LRSAM1: variants seen among roughly 807,000 people sequenced by gnomAD.
The protein encoded by LRSAM1 is leucine rich repeat and sterile alpha motif containing 1.
A neutral mutation model predicts 118.1 loss-of-function variants in LRSAM1; 96 were observed. The ratio of observed to expected loss-of-function variants is 0.81; its 90% CI spans 0.69 to 0.96. LRSAM1 has a LOEUF of 0.96. Ranked by LOEUF, LRSAM1 falls within the 40% of genes least tolerant of loss-of-function variation. The pLI is 0.00. For synonymous variants in LRSAM1, 322 were observed against 364.2 expected, an observed-to-expected ratio of 0.88 and a Z score of 1.32; for missense variants, 804 against 915.5, an observed-to-expected ratio of 0.88 and a Z score of 1.57.
chr9:127,494,069 C>T (rs1180207102), intron 21 of LRSAM1, among the ~76,000 whole-genome samples: 2 of 152,248 alleles, frequency 1.3e-5, no homozygotes, highest in African/African-American at 4.8e-5. Flanking sequence ...TGGCGCTGTG[C>T]CTTAGCAGCC....
chr9:127,475,047 T>TTTATTA (rs149765084), intron 11 of LRSAM1, among the ~76,000 whole-genome samples: 33 of 149,260 alleles, frequency 2.2e-4, no homozygotes, highest in African/African-American at 5.9e-4. Context: ...CATTTGGGAT[T>TTTATTA]TTATTATTAT....
intron 10 of LRSAM1, among the ~76,000 whole-genome samples, chr9:127,469,881 C>T (rs1396683792): frequency 1.3e-5 from 2 of 152,074 alleles, no homozygotes; most frequent in African/African-American, 2.4e-5. Context: ...AGGAGAATGG[C>T]GTGAACCCGG....
chr9:127,491,594 G>A (rs1481969922), intron 20 of LRSAM1, among the ~76,000 whole-genome samples: 1 of 152,242 alleles, frequency 6.6e-6, no homozygotes, highest in Non-Finnish European at 1.5e-5. Context: ...TGTGCTGGGT[G>A]CGGGCCCGCC....
intron 2 of LRSAM1, chr9:127,453,994 C>CT (rs1834417603): frequency 4.1e-6 from 1 of 243,088 alleles, no homozygotes; most frequent in Non-Finnish European, 8.2e-6. Flanking sequence ...GACACTGACC[C>CT]TTACCCCATG....
rs753650841 is a variant in LRSAM1 at position 127,502,803 on chromosome 9, C to T, written c.2076C>T (p.His692=). 7.4e-6 allele frequency: 12 copies of T among 1,612,352 alleles called. No homozygotes were observed. Among genetic ancestry groups the T allele is most frequent in the East Asian group, 2.2e-5 (1 of 44,882 alleles). ...AGATGATCTTCCTCAACTGTGGCCA[C>T]GTCTGCTGCTGCCAGCAGTGCTGCC... ...EAQMIFLNCG[H]VCCCQQCCQP... Residue 692 remains histidine (H), a synonymous_variant, in exon 26 of 26, where the codon CAC becomes CAT. Transcript: ENST00000300417.
chr9:127,472,072 C>T (rs1475715858), intron 10 of LRSAM1, among the ~76,000 whole-genome samples: 1 of 151,276 alleles, frequency 6.6e-6, no homozygotes, highest in African/African-American at 2.4e-5. Flanking sequence ...AGCGATTCTC[C>T]TGCCTCAGCC....
In LRSAM1 at chr9:127,495,375, A is replaced by T; in HGVS notation, c.1655A>T (p.Tyr552Phe). ...CAGGAAAATTACTGGCTGATTCAGT[A>T]TCAACGGCTTTTGAACCAGAAGCCC... ...TRQENYWLIQYQRLLNQKPLS... is the reference protein window; with the variant it reads ...TRQENYWLIQFQRLLNQKPLS... The change falls in exon 22 of 26, where the codon TAT (tyrosine) becomes TTT (phenylalanine). Residue 552 changes from tyrosine (Y) to phenylalanine (F), a missense_variant. Transcript: ENST00000300417. 12 of 1,614,052 alleles carry T rather than the reference A, an allele frequency of 7.4e-6. No individual in the cohort carries two copies. Among genetic ancestry groups the T allele is most frequent in the Non-Finnish European group, 9.3e-6 (11 of 1,180,024 alleles).
At chr9:127,459,285 G>A (rs1345352279) in intron 7 of LRSAM1, among the ~76,000 whole-genome samples, 1 of 146,812 alleles carries the variant, frequency 6.8e-6, no homozygotes, top group Non-Finnish European at 1.5e-5. Flanking sequence ...GGCGCCATCA[G>A]AGTTGCAGAG....
intron 22 of LRSAM1, 24 bp downstream of exon 22, chr9:127,495,442 C>A (rs371872032): frequency 6.2e-7 from 1 of 1,605,544 alleles, no homozygotes; most frequent in African/African-American, 1.3e-5. Context: ...GTGCCTGTCC[C>A]GGCCAGGGAG....
At chr9:127,475,401 G>A (rs899305694) in intron 11 of LRSAM1, among the ~76,000 whole-genome samples, 1 of 152,098 alleles carries the variant, frequency 6.6e-6, no homozygotes. Context: ...TGAGGCACAA[G>A]AATCACTTGA....
chr9:127,490,328 T>C (rs1835890008), intron 19 of LRSAM1, among the ~76,000 whole-genome samples: 3 of 152,064 alleles, frequency 2.0e-5, no homozygotes, highest in Admixed American at 2.0e-4. Flanking sequence ...CAATTCCACA[T>C]TGCCGGACAT....
At chr9:127,478,403 C>T (rs1835415102) in intron 11 of LRSAM1, among the ~76,000 whole-genome samples, 1 of 152,226 alleles carries the variant, frequency 6.6e-6, no homozygotes. Context: ...GGATCTCACA[C>T]ATTCGCCCCA....
At position 127,496,055 on chromosome 9, in the gene LRSAM1, T is replaced by C. The variant is rs1203663995; in HGVS notation, c.1790T>C (p.Leu597Pro). 6.2e-7 allele frequency: 1 copy of C among 1,612,098 alleles called. No individual in the cohort carries two copies. Among genetic ancestry groups the C allele is most frequent in the African/African-American group, 1.3e-5 (1 of 75,054 alleles). The stretch of plus-strand genomic sequence containing the variant: ...ATCTTTGCGCACCACCGCCTCTCAC[T>C]GGACCTGCTGAGCCAAATGAGCCCA... ...LPIFAHHRLS[L>P]DLLSQMSPGD... Residue 597 changes from leucine to proline, a missense_variant, in exon 23 of 26, where the codon CTG (leucine) becomes CCG (proline). By Grantham distance (98) the Leu-to-Pro change is moderately conservative. Coordinates refer to ENST00000300417, the MANE Select transcript of LRSAM1 (RefSeq NM_001005373.4).
intron 5 of LRSAM1, among the ~76,000 whole-genome samples, chr9:127,456,146 T>C (rs1396693874): frequency 7.4e-6 from 1 of 134,438 alleles, no homozygotes; most frequent in East Asian, 2.1e-4. Flanking sequence ...AAGTGAAGTA[T>C]CTAAATGAGA....
chr9:127,493,170 T>TC (rs768911902), intron 21 of LRSAM1, among the ~76,000 whole-genome samples: 3 of 152,138 alleles, frequency 2.0e-5, no homozygotes, highest in African/African-American at 4.8e-5. Context: ...CAAGCGATCC[T>TC]CCCACCTCAG....
At chr9:127,459,117 A>G (rs1018770772) in intron 7 of LRSAM1, 46 bp downstream of exon 7, 2 of 1,571,022 alleles carry the variant, frequency 1.3e-6, no homozygotes, top group Non-Finnish European at 1.7e-6. Flanking sequence ...CCTTAGTGAG[A>G]CCAGGCAGTC....
At chr9:127,486,186 G>A (rs1166161624) in intron 17 of LRSAM1, among the ~76,000 whole-genome samples, 3 of 152,204 alleles carry the variant, frequency 2.0e-5, no homozygotes, top group Non-Finnish European at 4.4e-5. Flanking sequence ...ACTGTATAAC[G>A]CACCCAAGGA....
At chr9:127,464,372 G>C (rs2132019994) in intron 9 of LRSAM1, among the ~76,000 whole-genome samples, 1 of 109,610 alleles carries the variant, frequency 9.1e-6, no homozygotes, top group African/African-American at 3.8e-5. Flanking sequence ...TGACCGTGCT[G>C]TCCAGAGCGG....
chr9:127,485,661 T>A (rs1835703169), intron 16 of LRSAM1, 75 bp from the exon 17 acceptor site: 1 of 1,389,494 alleles, frequency 7.2e-7, no homozygotes, highest in Admixed American at 1.7e-5. Flanking sequence ...CCTGTGGAAA[T>A]CCCTGCTGCC....
Sources: allele counts gnomAD v4.1 joint callset (sites outside exome capture counted in the v4.1 genomes callset), GRCh38; gene constraint gnomAD v4.1.1; transcripts MANE v1.5; gene names NCBI Gene and HGNC (gene_info 2026-07-23, HGNC 2026-07-21).